Variants in CDC42SE2 observed in about 807,000 individuals in gnomAD.
CDC42SE2 encodes CDC42 small effector 2, also known as CDC42 small effector protein 2.
A neutral mutation model predicts 11.5 loss-of-function variants in CDC42SE2; 3 were observed. The observed-to-expected ratio is 0.26, with a 90% confidence interval of 0.12 to 0.67. The LOEUF is 0.67. Among genes scored for constraint, CDC42SE2 ranks in the 30% least tolerant of loss-of-function variants. CDC42SE2 has a pLI of 0.80. For missense variants in CDC42SE2, 82 were observed against 106.8 expected, an observed-to-expected ratio of 0.77 and a Z score of 1.02; for synonymous variants, 33 against 34.8, an observed-to-expected ratio of 0.95 and a Z score of 0.18.
chr5:131,332,824 T>C (rs920481745), intron 2 of CDC42SE2, among the ~76,000 whole-genome samples: 1 of 152,232 alleles, frequency 6.6e-6, no homozygotes, highest in African/African-American at 2.4e-5. Flanking sequence ...TGTTTGTTTT[T>C]TTCTTGTAAA....
chr5:131,322,465 A>C (rs1758212702), intron 2 of CDC42SE2, among the ~76,000 whole-genome samples: 1 of 152,098 alleles, frequency 6.6e-6, no homozygotes, highest in South Asian at 2.1e-4. Flanking sequence ...AGTGTTCGTA[A>C]GGCTCATCCA....
intron 1 of CDC42SE2, among the ~76,000 whole-genome samples, chr5:131,279,812 G>A (rs987505338): frequency 6.6e-6 from 1 of 152,160 alleles, no homozygotes; most frequent in African/African-American, 2.4e-5. Flanking sequence ...GTTGGCTCAC[G>A]CTTGTAATCC....
chr5:131,221,323 G>C, the CDC42SE2 span, among the ~76,000 whole-genome samples: 1 of 151,288 alleles, frequency 6.6e-6, no homozygotes, highest in Non-Finnish European at 1.5e-5. Context: ...TAGCTCATCA[G>C]CTATCATTAG....
intron 2 of CDC42SE2, among the ~76,000 whole-genome samples, chr5:131,348,763 AAAACAGC>A (rs1758921622): frequency 6.6e-6 from 1 of 152,228 alleles, no homozygotes; most frequent in African/African-American, 2.4e-5. Context: ...TACAGTAACC[AAAACAGC>A]ATGGTACTGG....
intron 2 of CDC42SE2, among the ~76,000 whole-genome samples, chr5:131,341,626 A>G (rs1469570966): frequency 6.6e-6 from 1 of 152,230 alleles, no homozygotes; most frequent in African/African-American, 2.4e-5. Context: ...GAGGCTAGGA[A>G]GAAACCAAAA....
At chr5:131,254,704 T>C (rs1377841392) in intron 1 of CDC42SE2, among the ~76,000 whole-genome samples, 4 of 152,172 alleles carry the variant, frequency 2.6e-5, no homozygotes, top group South Asian at 2.1e-4. Context: ...AAAAAGCTTA[T>C]GTAGAACCAA....
At chr5:131,225,077 G>C in the CDC42SE2 span, among the ~76,000 whole-genome samples, 4 of 152,258 alleles carry the variant, frequency 2.6e-5, no homozygotes, top group South Asian at 8.3e-4. Context: ...GGAGCCCTGA[G>C]CCAAGCTCAG....
intron 2 of CDC42SE2, among the ~76,000 whole-genome samples, chr5:131,321,287 A>G (rs1361055545): frequency 1.3e-5 from 2 of 152,234 alleles, no homozygotes; most frequent in East Asian, 3.8e-4. Flanking sequence ...AAACAACTCA[A>G]CTTCCGTCTG....
chr5:131,345,040 T>C (rs1561592467), intron 2 of CDC42SE2, among the ~76,000 whole-genome samples: 1 of 152,136 alleles, frequency 6.6e-6, no homozygotes, highest in East Asian at 1.9e-4. Flanking sequence ...ACCACAAATA[T>C]GGGGAGAAAC....
chr5:131,361,636 G>C (rs1749711282), intron 3 of CDC42SE2, among the ~76,000 whole-genome samples: 1 of 152,180 alleles, frequency 6.6e-6, no homozygotes, highest in African/African-American at 2.4e-5. Context: ...TCTGTATCCT[G>C]GGTTCTTGCT....
chr5:131,228,976 G>A, the CDC42SE2 span, among the ~76,000 whole-genome samples: 5 of 152,212 alleles, frequency 3.3e-5, no homozygotes, highest in African/African-American at 9.6e-5. Context: ...GCCATCCAGT[G>A]TGTGGTATTT....
intron 2 of CDC42SE2, among the ~76,000 whole-genome samples, chr5:131,346,973 A>C (rs956059059): frequency 1.3e-5 from 2 of 150,104 alleles, no homozygotes; most frequent in Non-Finnish European, 3.0e-5. Context: ...AAGACACAAC[A>C]AATCTCCGGG....
chr5:131,371,421 ATG>A (rs1343411079), intron 3 of CDC42SE2, among the ~76,000 whole-genome samples: 1 of 152,174 alleles, frequency 6.6e-6, no homozygotes, highest in African/African-American at 2.4e-5. Flanking sequence ...TCTGGTATTT[ATG>A]TTCCATCTAC....
At chr5:131,325,464 T>C (rs1053777684) in intron 2 of CDC42SE2, among the ~76,000 whole-genome samples, 1 of 151,644 alleles carries the variant, frequency 6.6e-6, no homozygotes, top group Non-Finnish European at 1.5e-5. Context: ...CCCATTTATC[T>C]ATTGGAGATC....
chr5:131,212,739 A>G, the CDC42SE2 span, among the ~76,000 whole-genome samples: 1 of 152,174 alleles, frequency 6.6e-6, no homozygotes, highest in Non-Finnish European at 1.5e-5. Flanking sequence ...TCAGCCATGT[A>G]GTACGTGCCA....
chr5:131,355,450 C>T (rs574413766), intron 2 of CDC42SE2, among the ~76,000 whole-genome samples: 4 of 151,682 alleles, frequency 2.6e-5, no homozygotes, highest in Non-Finnish European at 5.9e-5. Flanking sequence ...CCACTGCAGC[C>T]TGGGCAACAG....
intron 3 of CDC42SE2, among the ~76,000 whole-genome samples, chr5:131,375,522 T>C (rs1415445145): frequency 1.3e-5 from 2 of 152,226 alleles, no homozygotes; most frequent in Non-Finnish European, 2.9e-5. Flanking sequence ...ATGGTGTGAC[T>C]CTCATCTCCT....
At chr5:131,260,805 G>C (rs946321785), upstream of CDC42SE2, among the ~76,000 whole-genome samples, 3 of 152,014 alleles carry the variant, frequency 2.0e-5, no homozygotes, top group Non-Finnish European at 4.4e-5. Context: ...GTGGTGGCAG[G>C]TGCCTGTAAT....
chr5:131,335,433 T>TG (rs1404928371), intron 2 of CDC42SE2, among the ~76,000 whole-genome samples: 1 of 152,170 alleles, frequency 6.6e-6, no homozygotes, highest in Non-Finnish European at 1.5e-5. Flanking sequence ...CTGAGAAGAA[T>TG]GTATATTCTG....
Sources: allele counts gnomAD v4.1 joint callset (sites outside exome capture counted in the v4.1 genomes callset), GRCh38; gene constraint gnomAD v4.1.1; transcripts MANE v1.5; gene names NCBI Gene and HGNC (gene_info 2026-07-23, HGNC 2026-07-21).